Variants in SEMA4A observed in about 807,000 individuals in gnomAD.
The protein encoded by SEMA4A is semaphorin-4A.
SEMA4A carries 52 observed loss-of-function variants against 72.5 expected under a neutral mutation model. That is an observed-to-expected ratio of 0.72 (90% CI 0.57 to 0.90). SEMA4A has a LOEUF of 0.90. SEMA4A is among the 40% of genes least tolerant of loss of function. SEMA4A has a pLI of 0.00. For synonymous variants in SEMA4A, 369 were observed against 393.1 expected, an observed-to-expected ratio of 0.94 and a Z score of 0.73; for missense variants, 926 against 959.7, an observed-to-expected ratio of 0.96 and a Z score of 0.46.
At chr1:156,163,198 C>A in intron 10 of SEMA4A, 104 bp downstream of exon 10, 3 of 1,327,250 alleles carry the variant, frequency 2.3e-6, no homozygotes, top group East Asian at 2.4e-5. Flanking sequence ...TAGTGCTCTC[C>A]ACCCCACCAA....
chr1:156,163,425 A>G (rs1653863093), intron 10 of SEMA4A: 1 of 333,228 alleles, frequency 3.0e-6, no homozygotes, highest in Admixed American at 4.4e-5. Context: ...ACTTTTTAAA[A>G]AAATCAGAGG....
At position 156,176,678 on chromosome 1, in the gene SEMA4A, T is replaced by C. The variant is rs1655367369; in HGVS notation, c.1967T>C (p.Ile656Thr). The C allele has an allele frequency of 1.2e-6, 2 of 1,613,978 alleles. No individual in the cohort carries two copies. The highest frequency in any genetic ancestry group is 1.7e-6 in the Non-Finnish European group (2 of 1,180,012). ...TLALDPELAG[I>T]PREHVKVPLT... ...GCCCTGGATCCTGAACTGGCAGGCA[T>C]CCCCCGGGAGCATGTGAAGGTCCCG... The change falls in exon 15 of 15, where the codon ATC (isoleucine) becomes ACC (threonine). Residue 656 changes from isoleucine to threonine, a missense_variant. Transcript: ENST00000368285.
upstream of SEMA4A, among the ~76,000 whole-genome samples, chr1:156,148,601 A>G (rs1280335989): frequency 6.6e-6 from 1 of 152,178 alleles, no homozygotes; most frequent in Non-Finnish European, 1.5e-5. Context: ...TGGCGGAGCC[A>G]TGCTGCTCCC....
intron 10 of SEMA4A, among the ~76,000 whole-genome samples, chr1:156,168,424 G>A (rs149319053): frequency 0.011 from 1,607 of 148,334 alleles, 33 homozygotes; most frequent in African/African-American, 0.038. Context: ...GGGTTTCACC[G>A]TGTTGGCCAG....
At chr1:156,158,354 T>C in intron 4 of SEMA4A, 34 bp from the exon 5 acceptor site, 1 of 1,552,074 alleles carries the variant, frequency 6.4e-7, no homozygotes. Flanking sequence ...TTGAGTCAGG[T>C]GGCCTGGAGA....
At chr1:156,169,754 G>A (rs1363219514) in intron 10 of SEMA4A, among the ~76,000 whole-genome samples, 1 of 151,510 alleles carries the variant, frequency 6.6e-6, no homozygotes, top group Non-Finnish European at 1.5e-5. Flanking sequence ...CTGGTCGGGC[G>A]TGGTGGCTCA....
At chr1:156,166,531 T>TC (rs779696718) in intron 10 of SEMA4A, among the ~76,000 whole-genome samples, 3 of 152,212 alleles carry the variant, frequency 2.0e-5, no homozygotes, top group Non-Finnish European at 4.4e-5. Flanking sequence ...TTTCCTACTG[T>TC]CCAAGTCTTT....
At chr1:156,165,205 C>A (rs1431274677) in intron 10 of SEMA4A, among the ~76,000 whole-genome samples, 3 of 152,162 alleles carry the variant, frequency 2.0e-5, no homozygotes, top group African/African-American at 7.2e-5. Context: ...TCCTGGAGAG[C>A]CTTTCTGACT....
At position 156,176,415 on chromosome 1, in the gene SEMA4A, C is replaced by T. The variant is rs901329521; in HGVS notation, c.1704C>T (p.Val568=). The T allele has an allele frequency of 1.5e-5, 25 of 1,613,410 alleles. No individual in the cohort carries two copies. In the African/African-American group the frequency reaches 2.9e-4, roughly 19 times the overall value. The part of the protein sequence containing the change: ...PQSRPQIIKE[V]LAVPNSILEL... ...TTCTTTCTCCTACAGTTAAAGAAGT[C>T]CTGGCTGTCCCCAACTCCATCCTGG... Residue 568 remains valine, a synonymous_variant, in exon 15 of 15, where the codon GTC becomes GTT. Transcript: ENST00000368285.
Position 156,175,736 on chromosome 1 carries a change from T to C in SEMA4A, c.1693+80T>C. The C allele has an allele frequency of 3.0e-6, 3 of 1,005,066 alleles. 1 individual carries two copies. The South Asian group carries it at 4.1e-5, about 14-fold the overall frequency. 62.3% of individuals were successfully genotyped at this position (1,005,066 alleles called of 1,614,324 possible). A position where few individuals can be genotyped will look rare whatever the true frequency, so the allele number is the denominator to read the frequency against. ...GCAGGGGTGGGCATTCCTGCTCCAATTTCCTCCCCCAGCACCTGCCTGGCT... is the reference window on the plus strand; with the variant it reads ...GCAGGGGTGGGCATTCCTGCTCCAACTTCCTCCCCCAGCACCTGCCTGGCT... On this transcript the variant is annotated intron_variant, in intron 14 of 14. Transcript: ENST00000368285.
rs1033393125 is a variant in SEMA4A at position 156,160,577 on chromosome 1, G to A, written c.685+18G>A. 1.9e-6 allele frequency: 3 copies of A among 1,600,034 alleles called. No individual in the cohort carries two copies. The highest frequency in any genetic ancestry group is 1.7e-5 in the Admixed American group (1 of 59,950). ...GCTGCATCGTAAGGACCTGACCCCC[G>A]CTGGCCTCCTTTCCTGAGTCCTGGT... On this transcript the variant is annotated intron_variant, in intron 7 of 14. Transcript: ENST00000368285.
At position 156,172,942 on chromosome 1, in the gene SEMA4A, G is replaced by T; in HGVS notation, c.1251G>T (p.Arg417=). 1 of 1,614,154 alleles carries T rather than the reference G, an allele frequency of 6.2e-7. No individual in the cohort carries two copies. Among genetic ancestry groups the T allele is most frequent in the Non-Finnish European group, 8.5e-7 (1 of 1,179,990 alleles). ...LLVKSGVEYT[R]LAVETAQGLD... is the part of the protein sequence containing the mutation. ...TGAAATCTGGCGTGGAGTATACACG[G>T]CTTGCAGTGGAGACAGCCCAGGGCC... is the stretch of plus-strand genomic sequence containing the variant. Residue 417 remains arginine (R), a synonymous_variant, in exon 11 of 15, where the codon CGG becomes CGT. Transcript: ENST00000368285.
chr1:156,164,187 GGGT>G (rs1653953188), intron 10 of SEMA4A, among the ~76,000 whole-genome samples: 1 of 152,070 alleles, frequency 6.6e-6, no homozygotes, highest in South Asian at 2.1e-4. Context: ...TAGATCTATA[GGGT>G]TGACTATAAA....
At chr1:156,175,799 C>A (rs901979624) in intron 14 of SEMA4A, 143 bp downstream of exon 14, 7 of 696,514 alleles carry the variant, frequency 1.0e-5, no homozygotes, top group Admixed American at 2.2e-5. Flanking sequence ...GATTTGGGTC[C>A]TGGCTATAGG....
intron 11 of SEMA4A, 116 bp from the exon 12 acceptor site, chr1:156,174,706 G>T (rs1019366798): frequency 8.1e-7 from 1 of 1,236,762 alleles, no homozygotes. Flanking sequence ...GCTGACCCGC[G>T]CCCAGTACAT....
chr1:156,160,694 A>C, intron 7 of SEMA4A, 135 bp downstream of exon 7: 4 of 1,037,838 alleles, frequency 3.9e-6, no homozygotes, highest in Non-Finnish European at 5.9e-6. Flanking sequence ...GAAGAAGGCA[A>C]AGCTCCGGTT....
chr1:156,168,266 G>C (rs1654373356), intron 10 of SEMA4A, among the ~76,000 whole-genome samples: 1 of 150,878 alleles, frequency 6.6e-6, no homozygotes, highest in African/African-American at 2.4e-5. Flanking sequence ...CTGTTGCCCA[G>C]GCTGGGGTGC....
At position 156,158,395 on chromosome 1, in the gene SEMA4A, GT is replaced by G. The variant is rs755374088; in HGVS notation, c.374del (p.Phe125SerfsTer74). 3 of 1,613,390 alleles carry G rather than the reference GT, an allele frequency of 1.9e-6. No individual in the cohort carries two copies. The highest frequency in any genetic ancestry group is 2.5e-6 in the Non-Finnish European group (3 of 1,179,336). On this transcript the variant is annotated frameshift_variant, in exon 5 of 15. Coordinates refer to ENST00000368285, the MANE Select transcript of SEMA4A (RefSeq NM_022367.4). LOFTEE classifies it high-confidence loss of function. The part of the protein sequence containing the change: ...AFKKKSNETQ[C>X]FNFIRVLVSY... ...ATTCTCTGTCTCCCTCAGACACAGT[GT>G]TTCAACTTCATCCGTGTCCTGGTTT... is the stretch of plus-strand genomic sequence containing the variant.
At chr1:156,170,935 A>T (rs1474631371) in intron 10 of SEMA4A, among the ~76,000 whole-genome samples, 1 of 151,124 alleles carries the variant, frequency 6.6e-6, no homozygotes, top group Non-Finnish European at 1.5e-5. Context: ...CAATTTTTTA[A>T]AAAAAAAACC....
Sources: gnomAD v4.1 joint callset for allele counts (sites outside exome capture counted in the v4.1 genomes callset) on GRCh38, gnomAD v4.1.1 for gene constraint, MANE v1.5 for transcripts, NCBI Gene and HGNC (gene_info 2026-07-23, HGNC 2026-07-21) for gene names.